Variants in MSMO1 observed in about 807,000 individuals in gnomAD.
MSMO1 encodes C-4 methylsterol oxidase.
Under a neutral mutation model 30.4 loss-of-function variants are expected in MSMO1, and 18 were observed. The ratio of observed to expected loss-of-function variants is 0.59; its 90% CI spans 0.41 to 0.88. MSMO1 has a LOEUF of 0.88. Ranked by LOEUF, MSMO1 falls within the 40% of genes least tolerant of loss-of-function variation. MSMO1 has a pLI of 0.00. For missense variants in MSMO1, 284 were observed against 340.5 expected, an observed-to-expected ratio of 0.83 and a Z score of 1.31; for synonymous variants, 84 against 107.9, an observed-to-expected ratio of 0.78 and a Z score of 1.37.
intron 1 of MSMO1, among the ~76,000 whole-genome samples, chr4:165,330,901 A>G (rs374111365): frequency 1.3e-5 from 2 of 152,318 alleles, no homozygotes. Flanking sequence ...GAGTTAAGCA[A>G]TCTTTATGTA....
Sources: allele counts gnomAD v4.1 joint callset (sites outside exome capture counted in the v4.1 genomes callset), GRCh38; gene constraint gnomAD v4.1.1; transcripts MANE v1.5; gene names NCBI Gene and HGNC (gene_info 2026-07-23, HGNC 2026-07-21).